The following TAB2 variants were observed in gnomAD, a reference collection of about 807,000 sequenced individuals.
TAB2 encodes TGF-beta activated kinase 1 (MAP3K7) binding protein 2, also known as TGF-beta-activated kinase 1 and MAP3K7-binding protein 2.
Under a neutral mutation model 65.0 loss-of-function variants are expected in TAB2, and 3 were observed. That is an observed-to-expected ratio of 0.05 (90% CI 0.02 to 0.12). The LOEUF is 0.12. Among genes scored for constraint, TAB2 ranks in the 10% least tolerant of loss-of-function variants. The probability of loss-of-function intolerance (pLI) is 1.00; values close to 1 mark genes in which losing one functional copy is unlikely to be tolerated. For synonymous variants in TAB2, 298 were observed against 285.1 expected (o/e 1.05, Z -0.46); for missense variants, 623 against 840.3 (o/e 0.74, Z 3.20).
chr6:149,232,408 A>G (rs1464943080), intron 1 of TAB2, among the ~76,000 whole-genome samples: 3 of 152,108 alleles, frequency 2.0e-5, no homozygotes, highest in Non-Finnish European at 4.4e-5. Flanking sequence ...TTGTATTTTT[A>G]GTAGAGACGG....
chr6:149,320,443 T>A (rs1779404937), intron 1 of TAB2, among the ~76,000 whole-genome samples: 2 of 152,248 alleles, frequency 1.3e-5, no homozygotes, highest in South Asian at 4.1e-4. Flanking sequence ...TTACACTTGG[T>A]TAAATGTCTT....
chr6:149,325,353 A>G (rs1379476219), intron 1 of TAB2, among the ~76,000 whole-genome samples: 2 of 152,136 alleles, frequency 1.3e-5, no homozygotes, highest in Non-Finnish European at 2.9e-5. Context: ...TTACATTTGG[A>G]ATTTTGCTTC....
At chr6:149,339,594 TTTA>T (rs1370444126) in intron 1 of TAB2, among the ~76,000 whole-genome samples, 6 of 84,142 alleles carry the variant, frequency 7.1e-5, no homozygotes, top group Admixed American at 4.7e-4. Context: ...TTTTTATTTA[TTTA>T]TTTATTTATT....
chr6:149,267,160 G>A (rs144446596), intron 1 of TAB2, among the ~76,000 whole-genome samples: 270 of 152,250 alleles, frequency 1.8e-3, no homozygotes, highest in Non-Finnish European at 3.0e-3. Context: ...AGATTTGAGG[G>A]AGACTGGGAG....
chr6:149,277,410 C>T (rs1778496101), intron 1 of TAB2, among the ~76,000 whole-genome samples: 1 of 151,580 alleles, frequency 6.6e-6, no homozygotes, highest in African/African-American at 2.4e-5. Context: ...TTAAAATATA[C>T]TGTTAAGATA....
At chr6:149,300,047 G>A (rs1303679120) in intron 1 of TAB2, among the ~76,000 whole-genome samples, 1 of 152,032 alleles carries the variant, frequency 6.6e-6, no homozygotes, top group Admixed American at 6.5e-5. Context: ...AAAAGCTTCT[G>A]GCTAAAGGTA....
intron 1 of TAB2, among the ~76,000 whole-genome samples, chr6:149,239,821 C>T (rs973653714): frequency 5.9e-5 from 9 of 152,146 alleles, no homozygotes; most frequent in Admixed American, 2.0e-4. Context: ...TGAACACAGC[C>T]GAGGGATATT....
At chr6:149,292,102 A>G (rs1778789498) in intron 1 of TAB2, among the ~76,000 whole-genome samples, 1 of 152,196 alleles carries the variant, frequency 6.6e-6, no homozygotes, top group Non-Finnish European at 1.5e-5. Context: ...TAAATGAGAA[A>G]CTTCATAAAG....
At position 149,281,555 on chromosome 6, in the gene TAB2, C is replaced by CAAAAAAAAAAAAAAAAAAAAA. The variant is rs59196897; in HGVS notation, c.-121+62785_-121+62805dup. The stretch of plus-strand genomic sequence containing the variant: ...TGAACAACACAGCAAGATGCCATCT[C>CAAAAAAAAAAAAAAAAAAAAA]AAAAAAAAAAAAAAAAAAAAAAAAA... On this transcript the variant is annotated intron_variant, in intron 1 of 1. Coordinates refer to the TAB2 transcript ENST00000606202. 4.3e-5 allele frequency among the ~76,000 whole-genome samples: 3 copies of CAAAAAAAAAAAAAAAAAAAAA among 70,338 alleles called. 1 individual carries two copies. The highest frequency in any genetic ancestry group is 1.5e-4 in the African/African-American group (3 of 19,642). The allele number at this position is 70,338 out of a possible 152,430, so 46.1% of individuals were successfully genotyped here. A position where few individuals can be genotyped will look rare whatever the true frequency, so the allele number is the denominator to read the frequency against.
chr6:149,220,572 T>C (rs1481592693), intron 1 of TAB2, among the ~76,000 whole-genome samples: 1 of 152,188 alleles, frequency 6.6e-6, no homozygotes, highest in Non-Finnish European at 1.5e-5. Context: ...TCTGAAGTTT[T>C]GGGAAGCTGT....
At chr6:149,339,443 T>A (rs974648385) in intron 1 of TAB2, among the ~76,000 whole-genome samples, 1 of 152,132 alleles carries the variant, frequency 6.6e-6, no homozygotes, top group Non-Finnish European at 1.5e-5. Flanking sequence ...AGGTTTTAAC[T>A]TTTTTGTCTG....
intron 1 of TAB2, among the ~76,000 whole-genome samples, chr6:149,221,626 CTT>C (rs1360464140): frequency 6.6e-6 from 1 of 152,198 alleles, no homozygotes; most frequent in Non-Finnish European, 1.5e-5. Flanking sequence ...CAGTGAAACA[CTT>C]AACGCACTCT....
intron 1 of TAB2, among the ~76,000 whole-genome samples, chr6:149,360,128 A>G (rs1217632837): frequency 1.3e-5 from 2 of 152,140 alleles, no homozygotes; most frequent in Non-Finnish European, 2.9e-5. Flanking sequence ...CTCTTGGTAT[A>G]TAGGTATTTT....
At chr6:149,303,384 T>C (rs889602309) in intron 1 of TAB2, among the ~76,000 whole-genome samples, 11 of 152,180 alleles carry the variant, frequency 7.2e-5, no homozygotes, top group African/African-American at 2.7e-4. Flanking sequence ...CATCTAATCA[T>C]GTCTTGATGT....
upstream of TAB2, among the ~76,000 whole-genome samples, chr6:149,314,697 TG>T (rs1404034864): frequency 6.6e-6 from 1 of 152,190 alleles, no homozygotes; most frequent in Non-Finnish European, 1.5e-5. Context: ...ATAGAACAGA[TG>T]GAACACATGG....
chr6:149,233,780 C>T (rs1432042930), intron 1 of TAB2, among the ~76,000 whole-genome samples: 1 of 152,152 alleles, frequency 6.6e-6, no homozygotes, highest in East Asian at 1.9e-4. Context: ...GTTTTTGCAA[C>T]TACTTTTAAT....
intron 1 of TAB2, among the ~76,000 whole-genome samples, chr6:149,309,693 G>T (rs1779134591): frequency 7.0e-6 from 1 of 143,510 alleles, no homozygotes; most frequent in African/African-American, 2.7e-5. Flanking sequence ...CACCACGCCT[G>T]CCCTCAATTA....
intron 1 of TAB2, among the ~76,000 whole-genome samples, chr6:149,276,745 C>T (rs192357491): frequency 4.0e-4 from 61 of 152,242 alleles, no homozygotes; most frequent in African/African-American, 1.3e-3. Flanking sequence ...CCAATGGAGG[C>T]GATCTGGCAA....
intron 1 of TAB2, among the ~76,000 whole-genome samples, chr6:149,311,077 G>C (rs1779158878): frequency 6.6e-6 from 1 of 152,022 alleles, no homozygotes. Flanking sequence ...ATCTAATTAT[G>C]ATCTAATTAC....
Sources: allele counts gnomAD v4.1 joint callset (sites outside exome capture counted in the v4.1 genomes callset), GRCh38; gene constraint gnomAD v4.1.1; transcripts MANE v1.5; gene names NCBI Gene and HGNC (gene_info 2026-07-23, HGNC 2026-07-21).